BEST3: variants seen among roughly 807,000 people sequenced by gnomAD.
The protein encoded by BEST3 is bestrophin 3, also known as bestrophin-3.
Under a neutral mutation model 47.1 loss-of-function variants are expected in BEST3, and 50 were observed. That is an observed-to-expected ratio of 1.06 (90% CI 0.85 to 1.34). BEST3 has a LOEUF of 1.34. Among genes scored for constraint, BEST3 ranks in the 40% most tolerant of loss-of-function variants. The probability of loss-of-function intolerance (pLI) is 0.00; values close to 1 mark genes in which losing one functional copy is unlikely to be tolerated. For synonymous variants in BEST3, 282 were observed against 298.8 expected (o/e 0.94, Z 0.58); for missense variants, 765 against 817.0 (o/e 0.94, Z 0.78).
chr12:69,682,971 A>G (rs927924564), intron 4 of BEST3, among the ~76,000 whole-genome samples: 5 of 152,246 alleles, frequency 3.3e-5, no homozygotes, highest in Admixed American at 6.5e-5. Flanking sequence ...CATATTCCAT[A>G]TCAATTGTCT....
chr12:69,656,767 C>G (rs1404823668), intron 9 of BEST3, among the ~76,000 whole-genome samples: 1 of 152,110 alleles, frequency 6.6e-6, no homozygotes, highest in Admixed American at 6.5e-5. Flanking sequence ...TGGCTCCAAG[C>G]CCTTGCTCCT....
At chr12:69,644,186 C>T (rs1882962267) in intron 9 of BEST3, among the ~76,000 whole-genome samples, 2 of 152,252 alleles carry the variant, frequency 1.3e-5, no homozygotes, top group Admixed American at 1.3e-4. Flanking sequence ...ACATATTTGC[C>T]TCATGGTTTA....
chr12:69,647,638 A>G (rs773817705), intron 9 of BEST3, among the ~76,000 whole-genome samples: 28 of 152,214 alleles, frequency 1.8e-4, no homozygotes, highest in Non-Finnish European at 2.9e-4. Flanking sequence ...ACTTATCCCT[A>G]CTTAACACTG....
Position 69,655,680 on chromosome 12 carries a change from T to C in BEST3, c.1234A>G (p.Ser412Gly), listed in dbSNP as rs1160699167. Reference sequence around the variant, plus strand: ...CTGTCACTTGTCTGCCTCCTGTAGCTTCTTCTTCTGGGGCTGGAGGGGTGT... The same window carrying C: ...CTGTCACTTGTCTGCCTCCTGTAGCCTCTTCTTCTGGGGCTGGAGGGGTGT... Reference protein sequence around the residue: ...HEHPSSPRRRSYRRQTSDSSM... With the variant: ...HEHPSSPRRRGYRRQTSDSSM... The change falls in exon 10 of 10, where the codon AGC becomes GGC. Residue 412 changes from serine to glycine, a missense_variant. Ser to Gly is a moderately conservative substitution (Grantham distance 56). Coordinates refer to ENST00000330891, the MANE Select transcript of BEST3 (RefSeq NM_032735.3). The C allele has an allele frequency of 2.5e-6, 4 of 1,613,872 alleles. No homozygotes were observed. Among genetic ancestry groups the C allele is most frequent in the Admixed American group, 1.7e-5 (1 of 59,988 alleles).
intron 9 of BEST3, among the ~76,000 whole-genome samples, chr12:69,659,602 C>T (rs1191094591): frequency 6.6e-6 from 1 of 152,154 alleles, no homozygotes. Context: ...GTCCTCCTGT[C>T]TTGGCTTCCC....
At chr12:69,676,690 C>T (rs1264950547) in intron 7 of BEST3, among the ~76,000 whole-genome samples, 1 of 152,130 alleles carries the variant, frequency 6.6e-6, no homozygotes, top group Non-Finnish European at 1.5e-5. Flanking sequence ...GAATCAATAG[C>T]CATAAGAGTG....
intron 9 of BEST3, among the ~76,000 whole-genome samples, chr12:69,646,467 TCAGA>T (rs1385497650): frequency 1.3e-5 from 2 of 151,876 alleles, no homozygotes; most frequent in African/African-American, 4.8e-5. Flanking sequence ...TTTGATATGG[TCAGA>T]CACTTTTCTA....
At chr12:69,679,252 C>T (rs1031964492) in intron 4 of BEST3, among the ~76,000 whole-genome samples, 8 of 152,166 alleles carry the variant, frequency 5.3e-5, no homozygotes, top group Admixed American at 1.3e-4. Flanking sequence ...GGAATTGTTA[C>T]GATTAAAATA....
intron 9 of BEST3, among the ~76,000 whole-genome samples, chr12:69,663,104 T>G (rs1883967987): frequency 6.6e-6 from 1 of 152,244 alleles, no homozygotes. Flanking sequence ...ACTTCAGGTC[T>G]TAAATTTCTG....
intron 9 of BEST3, among the ~76,000 whole-genome samples, chr12:69,662,563 A>G (rs1003033676): frequency 6.6e-6 from 1 of 152,220 alleles, no homozygotes; most frequent in Non-Finnish European, 1.5e-5. Context: ...CTAAAAAATC[A>G]TGTTACATAT....
intron 9 of BEST3, among the ~76,000 whole-genome samples, chr12:69,665,385 C>G (rs201410321): frequency 6.6e-6 from 1 of 152,064 alleles, no homozygotes; most frequent in Non-Finnish European, 1.5e-5. Context: ...TTGAGGTCAG[C>G]AGTTCAAGAC....
intron 4 of BEST3, among the ~76,000 whole-genome samples, chr12:69,680,456 C>A (rs1270868293): frequency 6.6e-6 from 1 of 151,774 alleles, no homozygotes; most frequent in African/African-American, 2.4e-5. Flanking sequence ...CTACAGGCAC[C>A]TGCCACCACG....
intron 4 of BEST3, among the ~76,000 whole-genome samples, chr12:69,686,789 AG>A (rs1459322867): frequency 2.2e-4 from 19 of 86,510 alleles, no homozygotes; most frequent in South Asian, 4.3e-4. Flanking sequence ...CAAAAAAAAA[AG>A]AAAGAAAAGA....
At chr12:69,693,376 G>A (rs1460176660) in intron 4 of BEST3, among the ~76,000 whole-genome samples, 1 of 151,014 alleles carries the variant, frequency 6.6e-6, no homozygotes, top group African/African-American at 2.4e-5. Flanking sequence ...TGATTCTCAT[G>A]CCTCAGCCTC....
chr12:69,673,038 C>T (rs2135966903), intron 7 of BEST3, 73 bp from the exon 8 acceptor site: 2 of 1,154,100 alleles, frequency 1.7e-6, no homozygotes, highest in Middle Eastern at 2.0e-4. Context: ...AAGATGATTC[C>T]TGTTTTCCTC....
intron 7 of BEST3, among the ~76,000 whole-genome samples, chr12:69,674,892 CT>C (rs35297025): frequency 0.13 from 14,008 of 109,240 alleles, 453 homozygotes; most frequent in Non-Finnish European, 0.16. Flanking sequence ...TTAGGTTTGC[CT>C]TTTTTTTTTT....
intron 2 of BEST3, among the ~76,000 whole-genome samples, chr12:69,697,315 A>G (rs571276419): frequency 1.3e-5 from 2 of 152,192 alleles, no homozygotes; most frequent in Non-Finnish European, 2.9e-5. Flanking sequence ...ACAAATAATT[A>G]TTGTCTGTGG....
At chr12:69,662,505 C>A (rs1307720594) in intron 9 of BEST3, among the ~76,000 whole-genome samples, 1 of 151,934 alleles carries the variant, frequency 6.6e-6, no homozygotes, top group Admixed American at 6.6e-5. Flanking sequence ...ACTGTATAAC[C>A]CTAAATATTT....
At chr12:69,646,745 C>T (rs1055737938) in intron 9 of BEST3, among the ~76,000 whole-genome samples, 4 of 152,212 alleles carry the variant, frequency 2.6e-5, no homozygotes, top group Non-Finnish European at 5.9e-5. Flanking sequence ...GCCTGTCTTC[C>T]TCCATTCTTT....
Sources: allele counts gnomAD v4.1 joint callset (sites outside exome capture counted in the v4.1 genomes callset), GRCh38; gene constraint gnomAD v4.1.1; transcripts MANE v1.5; gene names NCBI Gene and HGNC (gene_info 2026-07-23, HGNC 2026-07-21).